The following AP3B2 variants were observed in gnomAD, a reference collection of about 807,000 sequenced individuals.
The protein encoded by AP3B2 is adaptor related protein complex 3 subunit beta 2, also known as AP-3 complex subunit beta-2.
In AP3B2, 50 loss-of-function variants were observed where a neutral mutation model predicts 126.9. That is an observed-to-expected ratio of 0.39 (90% confidence interval 0.31 to 0.50). The LOEUF (loss-of-function observed/expected upper bound fraction) is 0.50, where lower values mean the gene tolerates loss of function less well. Among genes scored for constraint, AP3B2 ranks in the 20% least tolerant of loss-of-function variants. The pLI, the probability that AP3B2 is intolerant of heterozygous loss-of-function variation, is 0.79. For missense variants in AP3B2, 1,177 were observed against 1,426.4 expected, an observed-to-expected ratio of 0.83 and a Z score of 2.82; for synonymous variants, 541 against 565.0, an observed-to-expected ratio of 0.96 and a Z score of 0.60.
At chr15:82,684,772 G>A (rs1031337064) in intron 4 of AP3B2, among the ~76,000 whole-genome samples, 2 of 152,224 alleles carry the variant, frequency 1.3e-5, no homozygotes, top group Admixed American at 1.3e-4. Context: ...GATTACAGGT[G>A]TGAGCCACCA....
At chr15:82,690,782 T>G (rs1353812978) in intron 1 of AP3B2, among the ~76,000 whole-genome samples, 4 of 150,804 alleles carry the variant, frequency 2.7e-5, no homozygotes, top group Non-Finnish European at 4.4e-5. Flanking sequence ...GCCTACCGAG[T>G]AGCTGGGACT....
chr15:82,663,424 C>T (rs2047992193), intron 21 of AP3B2, 136 bp downstream of exon 21: 4 of 1,145,194 alleles, frequency 3.5e-6, no homozygotes. Flanking sequence ...GCTGCCCTCT[C>T]AGGCCTGAAG....
At position 82,680,653 on chromosome 15, in the gene AP3B2, AG is replaced by A; in HGVS notation, c.873del (p.Ser292ProfsTer30). 3 of 1,584,700 alleles carry A rather than the reference AG, an allele frequency of 1.9e-6. No individual in the cohort carries two copies. The highest frequency in any genetic ancestry group is 8.5e-7 in the Non-Finnish European group (1 of 1,170,144). On this transcript the variant is annotated frameshift_variant, in exon 8 of 27. Coordinates refer to ENST00000535359, the MANE Select transcript of AP3B2 (RefSeq NM_001278512.2). LOFTEE classifies it high-confidence loss of function. The surrounding 1 kb of genome is among the most constrained non-coding windows in gnomAD (Gnocchi z 6.1). ...GSEETAAAAAPSRKPYVMDPD... is the reference protein window; with the variant it reads ...GSEETAAAAAXSRKPYVMDPD... ...GGGTCCATGACATAGGGCTTTCGGG[AG>A]GGGGCGGCCGCGGCGGCCGTCTCCT...
intron 14 of AP3B2, among the ~76,000 whole-genome samples, chr15:82,672,938 C>T (rs1456587086): frequency 6.6e-6 from 1 of 152,164 alleles, no homozygotes; most frequent in Admixed American, 6.5e-5. Flanking sequence ...CACAATCCTA[C>T]AACTGCAAGG....
intron 1 of AP3B2, among the ~76,000 whole-genome samples, chr15:82,697,264 G>T (rs1224196628): frequency 6.6e-6 from 1 of 152,104 alleles, no homozygotes; most frequent in South Asian, 2.1e-4. Context: ...AACCCAGGAG[G>T]TGGAGCTTGC....
intron 1 of AP3B2, among the ~76,000 whole-genome samples, chr15:82,697,247 T>C (rs932412665): frequency 6.6e-6 from 1 of 152,008 alleles, no homozygotes; most frequent in Non-Finnish European, 1.5e-5. Context: ...GGCAGGAGAA[T>C]GGCGTGAACC....
intron 1 of AP3B2, chr15:82,692,312 G>A: frequency 4.9e-6 from 3 of 611,898 alleles, no homozygotes; most frequent in Non-Finnish European, 8.3e-6. Flanking sequence ...TCTCGCGCAC[G>A]TTGGAAGGCT....
intron 1 of AP3B2, chr15:82,692,401 T>TC: frequency 2.1e-6 from 1 of 475,696 alleles, no homozygotes; most frequent in African/African-American, 2.0e-5. Flanking sequence ...CCCCGCAGCG[T>TC]CCCCGCGGGC....
In AP3B2 at chr15:82,700,689, G is replaced by A. The variant is rs551343836; in HGVS notation, c.113+8905C>T. 1.5e-4 allele frequency among the ~76,000 whole-genome samples: 23 copies of A among 151,130 alleles called. No individual in the cohort carries two copies. In the East Asian group the frequency reaches 2.8e-3, roughly 18 times the overall value. ...GCTAGGATTACAGGCGTGAGCCACCGCGCCTGGCCTGGTTGGCTTTCTTCA... is the reference window on the plus strand; with the variant it reads ...GCTAGGATTACAGGCGTGAGCCACCACGCCTGGCCTGGTTGGCTTTCTTCA... On this transcript the variant is annotated intron_variant, in intron 1 of 26. Transcript: ENST00000535359.
chr15:82,709,765 C>G lies in AP3B2; in HGVS notation c.-59G>C. 7.3e-7 allele frequency: 1 copy of G among 1,361,672 alleles called. No individual in the cohort carries two copies. Among genetic ancestry groups the G allele is most frequent in the Admixed American group, 2.6e-5 (1 of 38,274 alleles). The allele number at this position is 1,361,672 out of a possible 1,614,324, so 84.3% of individuals were successfully genotyped here. On this transcript the variant is annotated 5_prime_UTR_variant, in exon 1 of 27. Transcript: ENST00000535359. ...TTGCGGGGCCGGAGGCCGGCTGGAG[C>G]GGAGGAAGGGAAGGCGGGCCGGTCC...
chr15:82,663,456 G>C (rs765695352), intron 21 of AP3B2, 104 bp downstream of exon 21: 37 of 1,320,246 alleles, frequency 2.8e-5, no homozygotes, highest in Non-Finnish European at 3.8e-5. Context: ...CTGCTCCCCT[G>C]CTCCCACAAG....
At chr15:82,687,328 T>C (rs1164552190) in intron 4 of AP3B2, 1 of 152,222 alleles carries the variant, frequency 6.6e-6, no homozygotes, top group Non-Finnish European at 1.5e-5. Context: ...GTTGAGACTA[T>C]AAGGCCTACA....
intron 4 of AP3B2, chr15:82,688,496 C>T: frequency 1.4e-6 from 1 of 702,522 alleles, no homozygotes; most frequent in Non-Finnish European, 2.6e-6. Flanking sequence ...TTACCACAGG[C>T]TCCTGGGAAG....
chr15:82,702,770 C>T (rs777255785), intron 1 of AP3B2, among the ~76,000 whole-genome samples: 25 of 152,136 alleles, frequency 1.6e-4, no homozygotes, highest in Non-Finnish European at 1.2e-4. Flanking sequence ...CATGGACGTG[C>T]GTGAAATTTG....
intron 1 of AP3B2, among the ~76,000 whole-genome samples, chr15:82,703,080 A>G (rs2048743994): frequency 6.6e-6 from 1 of 151,794 alleles, no homozygotes; most frequent in African/African-American, 2.4e-5. Context: ...TTATCTGTGA[A>G]CCCAAAACTC....
chr15:82,689,494 G>A, intron 1 of AP3B2, 41 bp from the exon 2 acceptor site: 2 of 1,589,880 alleles, frequency 1.3e-6, no homozygotes, highest in Non-Finnish European at 1.7e-6. Flanking sequence ...GCACAAGGGT[G>A]GGGATGGGGT....
chr15:82,679,684 G>A (rs1464099089), intron 10 of AP3B2, 45 bp downstream of exon 10: 3 of 1,554,354 alleles, frequency 1.9e-6, no homozygotes, highest in Non-Finnish European at 2.7e-6. Context: ...GGGTACATGG[G>A]GTGGGGAGGG....
At chr15:82,666,272 C>T (rs1260540591) in intron 15 of AP3B2, among the ~76,000 whole-genome samples, 1 of 152,348 alleles carries the variant, frequency 6.6e-6, no homozygotes, top group East Asian at 1.9e-4. Context: ...AGCCCAGGAA[C>T]AGAGGCAAGG....
At chr15:82,660,845 A>G (rs1485617030) in intron 25 of AP3B2, among the ~76,000 whole-genome samples, 1 of 152,154 alleles carries the variant, frequency 6.6e-6, no homozygotes, top group Non-Finnish European at 1.5e-5. Context: ...CATCGTGCCA[A>G]TGCCCTGTCT....
Sources: allele counts gnomAD v4.1 joint callset (sites outside exome capture counted in the v4.1 genomes callset), GRCh38; gene constraint gnomAD v4.1.1; non-coding constraint Gnocchi (gnomAD v3.1); transcripts MANE v1.5; gene names NCBI Gene and HGNC (gene_info 2026-07-23, HGNC 2026-07-21).